The following EDNRB variants were observed in gnomAD, a reference collection of about 807,000 sequenced individuals.
EDNRB encodes Hirschsprung disease 2.
In EDNRB, 18 loss-of-function variants were observed where a neutral mutation model predicts 46.4. The observed-to-expected ratio is 0.39, with a 90% CI of 0.27 to 0.57. The LOEUF (loss-of-function observed/expected upper bound fraction) is 0.57. Among genes scored for constraint, EDNRB ranks in the 20% least tolerant of loss-of-function variants. EDNRB has a pLI of 0.61. For missense variants in EDNRB, 434 were observed against 537.5 expected, an observed-to-expected ratio of 0.81 and a Z score of 1.90; for synonymous variants, 213 against 204.9, an observed-to-expected ratio of 1.04 and a Z score of -0.34.
intron 1 of EDNRB, among the ~76,000 whole-genome samples, chr13:77,931,757 A>C (rs1222460207): frequency 7.2e-6 from 1 of 138,578 alleles, no homozygotes; most frequent in African/African-American, 2.7e-5. Context: ...AAAAAAAAAA[A>C]AAACAAAAAA....
intron 1 of EDNRB, among the ~76,000 whole-genome samples, chr13:77,958,331 T>C (rs1881298512): frequency 6.6e-6 from 1 of 151,094 alleles, no homozygotes; most frequent in South Asian, 2.1e-4. Flanking sequence ...TAATTTCAAA[T>C]TTTCCCAGGT....
chr13:77,968,004 C>A (rs1039454946), intron 1 of EDNRB, among the ~76,000 whole-genome samples: 13 of 152,088 alleles, frequency 8.5e-5, no homozygotes, highest in African/African-American at 2.9e-4. Flanking sequence ...AGACTGTGTG[C>A]CATGAACAGT....
chr13:77,970,072 G>A (rs73550376), intron 1 of EDNRB, among the ~76,000 whole-genome samples: 40,916 of 152,050 alleles, frequency 0.27, 6,711 homozygotes, highest in East Asian at 0.56. Flanking sequence ...TTAGGAACCA[G>A]TGTCTGCATT....
upstream of EDNRB, among the ~76,000 whole-genome samples, chr13:77,921,600 A>C (rs1396342554): frequency 6.6e-6 from 1 of 152,236 alleles, no homozygotes. Flanking sequence ...TTGTAATTGC[A>C]GAAAGCCTAA....
intron 1 of EDNRB, among the ~76,000 whole-genome samples, chr13:77,932,209 C>A (rs951673197): frequency 6.6e-6 from 1 of 152,052 alleles, no homozygotes; most frequent in African/African-American, 2.4e-5. Context: ...GACTGGGGAC[C>A]AAAGATGCTG....
At chr13:77,931,473 A>G (rs943498938) in intron 1 of EDNRB, among the ~76,000 whole-genome samples, 2 of 152,168 alleles carry the variant, frequency 1.3e-5, no homozygotes, top group Non-Finnish European at 2.9e-5. Context: ...ACCTGATCCA[A>G]GCTTTCCTCT....
intron 1 of EDNRB, among the ~76,000 whole-genome samples, chr13:77,943,397 T>C (rs891860733): frequency 6.6e-6 from 1 of 152,122 alleles, no homozygotes; most frequent in Non-Finnish European, 1.5e-5. Flanking sequence ...CATCTCTCTC[T>C]TTATAATCCT....
chr13:77,955,713 G>A (rs867060505), intron 1 of EDNRB, among the ~76,000 whole-genome samples: 30 of 152,012 alleles, frequency 2.0e-4, no homozygotes, highest in African/African-American at 7.2e-4. Flanking sequence ...TTCCAATACT[G>A]TTTATTAAAG....
At chr13:77,919,132 A>G (rs1374147709), upstream of EDNRB, 2 of 509,436 alleles carry the variant, frequency 3.9e-6, no homozygotes, top group Non-Finnish European at 6.5e-6. Flanking sequence ...TGGCTGAGCT[A>G]CAGCTCCCGC....
intron 1 of EDNRB, among the ~76,000 whole-genome samples, chr13:77,931,744 C>CAAAAAAAAAAAAAAAAAA (rs67176737): frequency 1.2e-5 from 1 of 83,442 alleles, no homozygotes; most frequent in African/African-American, 4.7e-5. Flanking sequence ...ACTGTAGTAG[C>CAAAAAAAAAAAAAAAAAA]AAAAAAAAAA....
intron 1 of EDNRB, among the ~76,000 whole-genome samples, chr13:77,935,341 G>C (rs555802613): frequency 1.3e-5 from 2 of 152,270 alleles, no homozygotes; most frequent in East Asian, 3.9e-4. Flanking sequence ...TAATGAAAAG[G>C]GTTCAGATGA....
intron 1 of EDNRB, among the ~76,000 whole-genome samples, chr13:77,960,501 C>A (rs1406438114): frequency 6.6e-6 from 1 of 152,060 alleles, no homozygotes; most frequent in Non-Finnish European, 1.5e-5. Context: ...GAGATTTTGT[C>A]ACACCAGGCC....
chr13:77,964,592 C>G (rs1203782361), intron 1 of EDNRB, among the ~76,000 whole-genome samples: 1 of 152,080 alleles, frequency 6.6e-6, no homozygotes, highest in African/African-American at 2.4e-5. Context: ...AACACTCGGA[C>G]ACAGGAAGGG....
chr13:77,939,193 A>G (rs1282224120), intron 1 of EDNRB: 2 of 152,202 alleles, frequency 1.3e-5, no homozygotes, highest in Non-Finnish European at 2.9e-5. Flanking sequence ...CAAGGTGCTC[A>G]GTAGGGGAGC....
At chr13:77,947,969 ACT>A (rs975711707) in intron 1 of EDNRB, among the ~76,000 whole-genome samples, 5 of 152,092 alleles carry the variant, frequency 3.3e-5, no homozygotes, top group Admixed American at 3.3e-4. Flanking sequence ...TGAACTTTTA[ACT>A]CTCTCAATAG....
At chr13:77,951,369 G>A (rs1230375611) in intron 1 of EDNRB, among the ~76,000 whole-genome samples, 2 of 152,160 alleles carry the variant, frequency 1.3e-5, no homozygotes, top group Non-Finnish European at 2.9e-5. Context: ...TCAGCATAGT[G>A]ACAACAAAAC....
At chr13:77,916,085 A>G (rs1034214606) in intron 1 of EDNRB, among the ~76,000 whole-genome samples, 2 of 152,054 alleles carry the variant, frequency 1.3e-5, no homozygotes, top group African/African-American at 4.8e-5. Flanking sequence ...TCTCAATCCC[A>G]CCTTCTACAC....
intron 1 of EDNRB, among the ~76,000 whole-genome samples, chr13:77,910,249 A>G (rs536410064): frequency 1.3e-5 from 2 of 152,146 alleles, no homozygotes; most frequent in Admixed American, 1.3e-4. Context: ...CCATCCTGTG[A>G]TAAGTTGTGA....
chr13:77,963,590 C>T (rs1315573775), intron 1 of EDNRB, among the ~76,000 whole-genome samples: 1 of 152,098 alleles, frequency 6.6e-6, no homozygotes, highest in Non-Finnish European at 1.5e-5. Flanking sequence ...AAACTGGATC[C>T]CTTCCTTACA....
Sources: allele counts gnomAD v4.1 joint callset (sites outside exome capture counted in the v4.1 genomes callset), GRCh38; gene constraint gnomAD v4.1.1; transcripts MANE v1.5; gene names NCBI Gene and HGNC (gene_info 2026-07-23, HGNC 2026-07-21).